TEX11: variants seen among roughly 807,000 people sequenced by gnomAD.
TEX11 encodes the protein testis-expressed protein 11.
A neutral mutation model predicts 84.4 loss-of-function variants in TEX11; 7 were observed. The ratio of observed to expected loss-of-function variants is 0.08; its 90% CI spans 0.05 to 0.16. The LOEUF (loss-of-function observed/expected upper bound fraction) is 0.16, where lower values mean the gene tolerates loss of function less well. Among genes scored for constraint, TEX11 ranks in the 10% least tolerant of loss-of-function variants. The pLI is 1.00. For synonymous variants in TEX11, 264 were observed against 222.8 expected (o/e 1.18, Z -1.64); for missense variants, 551 against 660.5 (o/e 0.83, Z 1.82).
rs539417758 is a variant in TEX11, at chrX:70,572,134, G to T, written c.2141-17334C>A. 8.5e-5 allele frequency among the ~76,000 whole-genome samples: 9 copies of T among 106,434 alleles called. No individual in the cohort carries two copies. In the South Asian group the frequency reaches 3.4e-3, roughly 40 times the overall value. 92.4% of individuals were successfully genotyped at this position (106,434 alleles called of 115,157 possible). ...AGGGCTAATATCCAGAATCTACAAA[G>T]AACTCAAACAAATTTACAAGAAAAA... is the stretch of plus-strand genomic sequence containing the variant. On this transcript the variant is annotated intron_variant, in intron 25 of 29. Transcript: ENST00000374333.
At chrX:70,895,581 A>G (rs1403108502) in intron 2 of TEX11, among the ~76,000 whole-genome samples, 2 of 112,209 alleles carry the variant, frequency 1.8e-5, no homozygotes, top group African/African-American at 6.5e-5. Flanking sequence ...CTAAGCAAAA[A>G]GAACAAAGCT....
intron 9 of TEX11, among the ~76,000 whole-genome samples, chrX:70,785,655 G>A (rs2091073562): frequency 8.9e-6 from 1 of 112,102 alleles, no homozygotes; most frequent in Non-Finnish European, 1.9e-5. Flanking sequence ...AAAAGTGGGT[G>A]AAGGATATGA....
chrX:70,792,125 C>CA (rs57717581), intron 9 of TEX11, among the ~76,000 whole-genome samples: 22,659 of 61,609 alleles, frequency 0.37, 4,061 homozygotes, highest in African/African-American at 0.47. Flanking sequence ...AACTCCGTCT[C>CA]AAAAAAAAAA....
chrX:70,533,419 T>C (rs1203942819), intron 28 of TEX11, among the ~76,000 whole-genome samples: 3 of 112,074 alleles, frequency 2.7e-5, no homozygotes, highest in Admixed American at 9.5e-5. Flanking sequence ...AGTGTATTAA[T>C]TCACTTAAAG....
At chrX:70,515,863 G>A in the TEX11 span, among the ~76,000 whole-genome samples, 1 of 112,346 alleles carries the variant, frequency 8.9e-6, no homozygotes, top group Non-Finnish European at 1.9e-5. Flanking sequence ...GCATTTCTTT[G>A]ATGACCAGTG....
intron 7 of TEX11, among the ~76,000 whole-genome samples, chrX:70,834,475 G>T (rs992355336): frequency 9.0e-6 from 1 of 111,042 alleles, no homozygotes; most frequent in Non-Finnish European, 1.9e-5. Flanking sequence ...AACTTAGTTG[G>T]CCAGGAGCAG....
chrX:70,632,255 C>T (rs989096301), intron 17 of TEX11, among the ~76,000 whole-genome samples: 1 of 111,234 alleles, frequency 9.0e-6, no homozygotes, highest in African/African-American at 3.3e-5. Flanking sequence ...CCTCAGTGTT[C>T]ACCTTTAGAA....
intron 25 of TEX11, among the ~76,000 whole-genome samples, chrX:70,575,673 T>C (rs184345227): frequency 3.6e-5 from 4 of 111,896 alleles, no homozygotes; most frequent in Non-Finnish European, 5.6e-5. Context: ...TTTTTCTCTT[T>C]TGTAAGTTAC....
chrX:70,602,039 A>G (rs981569972), intron 24 of TEX11, among the ~76,000 whole-genome samples: 5 of 110,837 alleles, frequency 4.5e-5, no homozygotes, highest in Admixed American at 9.5e-5. Flanking sequence ...CCCATCCCCA[A>G]TGAGCCGCTG....
Position 70,529,071 on chromosome X carries a change from T to G in TEX11, c.*24A>C. On this transcript the variant is annotated 3_prime_UTR_variant, in exon 30 of 30. Coordinates refer to ENST00000374333, the MANE Select transcript of TEX11 (RefSeq NM_031276.3). ...AGTCAGCATCTCGGGACAATGTATC[T>G]TCTTCATGTGGCCATGAGCTTGCCT... The G allele has an allele frequency of 1.7e-6, 2 of 1,157,175 alleles. No homozygotes were observed. The highest frequency in any genetic ancestry group is 2.4e-6 in the Non-Finnish European group (2 of 847,936).
At chrX:70,766,544 A>G (rs908437487) in intron 9 of TEX11, among the ~76,000 whole-genome samples, 1 of 111,831 alleles carries the variant, frequency 8.9e-6, no homozygotes, top group African/African-American at 3.2e-5. Flanking sequence ...TAACATGTCC[A>G]TACTACCCAA....
chrX:70,776,342 G>GT (rs1196841845), intron 9 of TEX11, among the ~76,000 whole-genome samples: 1 of 110,472 alleles, frequency 9.1e-6, no homozygotes, highest in Non-Finnish European at 1.9e-5. Flanking sequence ...TGGGTGGATT[G>GT]TTTGAGTCCA....
intron 13 of TEX11, among the ~76,000 whole-genome samples, chrX:70,691,941 T>G (rs1476572851): frequency 9.2e-6 from 1 of 108,899 alleles, no homozygotes; most frequent in Non-Finnish European, 1.9e-5. Flanking sequence ...TTGTCAATTA[T>G]ATCTCAAAAA....
At position 70,622,974 on chromosome X, in the gene TEX11, T is replaced by C. The variant is rs376327306; in HGVS notation, c.1751+976A>G. On this transcript the variant is annotated intron_variant, in intron 20 of 29. Coordinates refer to ENST00000374333, the MANE Select transcript of TEX11 (RefSeq NM_031276.3). ...AGTATCAGCAAATATTTGGTCATTA[T>C]TCAAAATTCCAATTGCTTCATCTTT... 3.6e-5 allele frequency among the ~76,000 whole-genome samples: 4 copies of C among 112,219 alleles called. No individual in the cohort carries two copies. In the East Asian group the frequency reaches 1.1e-3, roughly 31 times the overall value.
At chrX:70,563,910 A>C (rs1404060561) in intron 25 of TEX11, among the ~76,000 whole-genome samples, 2 of 112,527 alleles carry the variant, frequency 1.8e-5, no homozygotes, top group Non-Finnish European at 3.7e-5. Flanking sequence ...AAATGTATTT[A>C]GGATCTTTGC....
chrX:70,539,285 C>A (rs920940579), intron 28 of TEX11, among the ~76,000 whole-genome samples: 1 of 108,276 alleles, frequency 9.2e-6, no homozygotes, highest in Non-Finnish European at 1.9e-5. Flanking sequence ...CCATCCGCCT[C>A]GGCCTCCCAA....
At chrX:70,570,170 A>G (rs1199315877) in intron 25 of TEX11, among the ~76,000 whole-genome samples, 1 of 111,674 alleles carries the variant, frequency 9.0e-6, no homozygotes, top group Admixed American at 9.5e-5. Flanking sequence ...CTGCTGTGCT[A>G]TCAATCAGTG....
At chrX:70,713,276 G>T (rs2090458480) in intron 13 of TEX11, among the ~76,000 whole-genome samples, 1 of 111,689 alleles carries the variant, frequency 9.0e-6, no homozygotes. Flanking sequence ...CCTCTACCAG[G>T]CTTTGGTATC....
intron 5 of TEX11, among the ~76,000 whole-genome samples, chrX:70,854,814 G>A (rs749350367): frequency 1.8e-5 from 2 of 109,522 alleles, no homozygotes; most frequent in South Asian, 3.9e-4. Flanking sequence ...GGGAGGCCGA[G>A]GTGGACGAAT....
Sources: gnomAD v4.1 joint callset for allele counts (sites outside exome capture counted in the v4.1 genomes callset) on GRCh38, gnomAD v4.1.1 for gene constraint, MANE v1.5 for transcripts, NCBI Gene and HGNC (gene_info 2026-07-23, HGNC 2026-07-21) for gene names.